F8: variants seen among roughly 807,000 people sequenced by gnomAD.
The protein encoded by F8 is coagulation factor VIII.
In F8, 12 loss-of-function variants were observed where a neutral mutation model predicts 140.6. That is an observed-to-expected ratio of 0.09 (90% CI 0.05 to 0.14). F8 has a LOEUF of 0.14. F8 is among the 10% of genes least tolerant of loss of function. The pLI is 1.00. For missense variants in F8, 1,354 were observed against 1,720.7 expected, an observed-to-expected ratio of 0.79 and a Z score of 3.77; for synonymous variants, 585 against 614.6, an observed-to-expected ratio of 0.95 and a Z score of 0.71.
chrX:154,871,493 T>C (rs1470989942), intron 22 of F8, among the ~76,000 whole-genome samples: 1 of 112,092 alleles, frequency 8.9e-6, no homozygotes, highest in Non-Finnish European at 1.9e-5. Context: ...TGGCTAGCCA[T>C]ATGCAGAAAA....
At chrX:155,018,928 C>A (rs782715210) in intron 1 of F8, among the ~76,000 whole-genome samples, 91 of 112,117 alleles carry the variant, frequency 8.1e-4, no homozygotes, top group Non-Finnish European at 1.2e-3. Context: ...CTCATCAATT[C>A]ATTTGATAAA....
At chrX:154,854,607 T>TGTGC (rs1454927374) in intron 25 of F8, among the ~76,000 whole-genome samples, 1 of 110,574 alleles carries the variant, frequency 9.0e-6, no homozygotes, top group Non-Finnish European at 1.9e-5. Context: ...TGTGTGTGTG[T>TGTGC]GTGTGTGTGT....
At chrX:155,014,623 T>C (rs1328364014) in intron 1 of F8, among the ~76,000 whole-genome samples, 1 of 112,604 alleles carries the variant, frequency 8.9e-6, no homozygotes, top group African/African-American at 3.2e-5. Flanking sequence ...TGAATTTCTA[T>C]ATTTTAGTAA....
chrX:154,995,938 T>C (rs1344325867), intron 3 of F8, among the ~76,000 whole-genome samples: 1 of 111,309 alleles, frequency 9.0e-6, no homozygotes, highest in African/African-American at 3.3e-5. Flanking sequence ...TGTCCCCTCA[T>C]TGGATAAGAT....
intron 1 of F8, among the ~76,000 whole-genome samples, chrX:155,003,796 A>C (rs1557285855): frequency 1.8e-5 from 2 of 109,251 alleles, no homozygotes; most frequent in African/African-American, 6.7e-5. Context: ...ATCTTTACTA[A>C]AAAATACAAA....
chrX:154,874,805 A>G (rs1406393041), intron 22 of F8, among the ~76,000 whole-genome samples: 2 of 112,299 alleles, frequency 1.8e-5, no homozygotes, highest in South Asian at 3.6e-4. Flanking sequence ...GGTTCCTCAA[A>G]AAAACTAAAA....
Position 154,964,825 on chromosome X carries a change from G to C in F8, c.1443+1145C>G, listed in dbSNP as rs73567708. On this transcript the variant is annotated intron_variant, in intron 9 of 25. Transcript: ENST00000360256. The stretch of plus-strand genomic sequence containing the variant: ...CCAGAGACATATAAATGAAAAGATT[G>C]ATAAAAGATAGGAGGTTTTGACTAT... Among the ~76,000 whole-genome samples, 891 of 111,316 alleles carry C rather than the reference G, an allele frequency of 8.0e-3. 12 individuals are homozygous for C. Among genetic ancestry groups the C allele is most frequent in the African/African-American group, 0.027 (842 of 30,649 alleles).
chrX:154,863,293 T>A lies in F8; in HGVS notation c.6430-66A>T, dbSNP rs1215735938. ...CAGAGTAAAAAGCAATTTCTGTCAA[T>A]CATATCTTCCTTCTAATTTGCTTTG... is the stretch of plus-strand genomic sequence containing the variant. On this transcript the variant is annotated intron_variant, in intron 22 of 25. Coordinates refer to ENST00000360256, the MANE Select transcript of F8 (RefSeq NM_000132.4). The A allele has an allele frequency of 1.1e-5, 11 of 1,034,154 alleles. No individual in the cohort carries two copies. In the African/African-American group the frequency reaches 1.3e-4, roughly 12 times the overall value. The allele number at this position is 1,034,154 out of a possible 1,213,427, so 85.2% of individuals were successfully genotyped here. A position where few individuals can be genotyped will look rare whatever the true frequency, so the allele number is the denominator to read the frequency against.
At chrX:155,013,015 G>A (rs1234887035) in intron 1 of F8, among the ~76,000 whole-genome samples, 9 of 108,399 alleles carry the variant, frequency 8.3e-5, no homozygotes, top group Admixed American at 3.9e-4. Context: ...GCGTGGTGGC[G>A]GGCGCCTGTC....
At chrX:154,942,706 C>A (rs1374383469) in intron 13 of F8, among the ~76,000 whole-genome samples, 1 of 109,872 alleles carries the variant, frequency 9.1e-6, no homozygotes, top group African/African-American at 3.3e-5. Flanking sequence ...CGGGCAGAGA[C>A]AAAACCAAAA....
chrX:154,935,984 A>G, intron 13 of F8, among the ~76,000 whole-genome samples: 1 of 36,345 alleles, frequency 2.8e-5, no homozygotes, highest in South Asian at 1.1e-3. Context: ...CCAAAGTAAC[A>G]CACACACACA....
intron 25 of F8, among the ~76,000 whole-genome samples, chrX:154,844,822 C>T (rs1339445784): frequency 1.8e-5 from 2 of 110,128 alleles, no homozygotes; most frequent in African/African-American, 6.6e-5. Context: ...GAACTTCCAA[C>T]ACTATGTTGA....
chrX:154,897,001 A>G, intron 21 of F8, among the ~76,000 whole-genome samples: 1 of 112,189 alleles, frequency 8.9e-6, no homozygotes, highest in Non-Finnish European at 1.9e-5. Flanking sequence ...GAGTTAATAC[A>G]TGTAATGTGC....
intron 25 of F8, among the ~76,000 whole-genome samples, chrX:154,856,299 T>C (rs2072650749): frequency 8.9e-6 from 1 of 112,512 alleles, no homozygotes; most frequent in African/African-American, 3.2e-5. Flanking sequence ...TCTCTGTAGG[T>C]GACACCTTAC....
chrX:154,956,544 C>T lies in F8; in HGVS notation c.1752+413G>A, dbSNP rs782672470. Among the ~76,000 whole-genome samples the T allele has an allele frequency of 3.6e-5, 4 of 112,147 alleles. No individual in the cohort carries two copies. In the South Asian group the frequency reaches 1.5e-3, roughly 42 times the overall value. ...TTCTTCTGCCGTGGCTTCAGCCAGT[C>T]CCTCTGTTCGGGGTCCCTGACTTCC... On this transcript the variant is annotated intron_variant, in intron 11 of 25. Coordinates refer to ENST00000360256, the MANE Select transcript of F8 (RefSeq NM_000132.4).
intron 22 of F8, among the ~76,000 whole-genome samples, chrX:154,872,401 G>A (rs1557273661): frequency 9.0e-6 from 1 of 111,332 alleles, no homozygotes; most frequent in African/African-American, 3.3e-5. Context: ...CCTTTGCAGG[G>A]ACATGGATGA....
Position 154,930,216 on chromosome X carries a change from T to C in F8, c.3574A>G (p.Asn1192Asp). The C allele has an allele frequency of 1.7e-6, 2 of 1,209,928 alleles. No homozygotes were observed. Among genetic ancestry groups the C allele is most frequent in the Non-Finnish European group, 2.2e-6 (2 of 894,632 alleles). Residue 1192 changes from asparagine (N) to aspartate (D), a missense_variant, in exon 14 of 26, where the codon AAC (asparagine) becomes GAC (aspartate). By Grantham distance (23) the Asn-to-Asp change is conservative. This residue lies in a region of F8 where 658 missense variants were observed against 666.5 expected (regional missense o/e 0.99). Coordinates refer to ENST00000360256, the MANE Select transcript of F8 (RefSeq NM_000132.4). ...LKEMVFPSSR[N>D]LFLTNLDNLH... ...TTATCCAAGTTAGTAAGAAATAGGTTTCTGCTGCTTGGAAAAACCATCTCT... is the reference window on the plus strand; with the variant it reads ...TTATCCAAGTTAGTAAGAAATAGGTCTCTGCTGCTTGGAAAAACCATCTCT...
chrX:154,845,086 G>C (rs2072554046), intron 25 of F8, among the ~76,000 whole-genome samples: 1 of 111,815 alleles, frequency 8.9e-6, no homozygotes, highest in Non-Finnish European at 1.9e-5. Context: ...TTATATGCTG[G>C]ATTACGTTTA....
At chrX:154,980,955 A>G (rs2073515568) in intron 6 of F8, among the ~76,000 whole-genome samples, 2 of 112,363 alleles carry the variant, frequency 1.8e-5, no homozygotes. Flanking sequence ...TAGGCAACAG[A>G]GACCATATCA....
Sources: gnomAD v4.1 joint callset for allele counts (sites outside exome capture counted in the v4.1 genomes callset) on GRCh38, gnomAD v4.1.1 for gene constraint, gnomAD v4.1.1 regional missense constraint, MANE v1.5 for transcripts, NCBI Gene and HGNC (gene_info 2026-07-23, HGNC 2026-07-21) for gene names.